The following LPP variants were observed in gnomAD, a reference collection of about 807,000 sequenced individuals.
LPP encodes the protein lipoma-preferred partner.
LPP carries 38 observed loss-of-function variants against 60.4 expected under a neutral mutation model. The ratio of observed to expected loss-of-function variants is 0.63; its 90% CI spans 0.49 to 0.83. The LOEUF (loss-of-function observed/expected upper bound fraction) is 0.83. Ranked by LOEUF, LPP falls within the 40% of genes least tolerant of loss-of-function variation. The pLI, the probability that LPP is intolerant of heterozygous loss-of-function variation, is 0.00. For synonymous variants in LPP, 328 were observed against 290.8 expected (o/e 1.13, Z -1.30); for missense variants, 902 against 783.6 (o/e 1.15, Z -1.80).
At chr3:188,823,399 G>A (rs918482651) in intron 9 of LPP, among the ~76,000 whole-genome samples, 1 of 151,928 alleles carries the variant, frequency 6.6e-6, no homozygotes, top group Non-Finnish European at 1.5e-5. Flanking sequence ...GTTCACCCTG[G>A]GATATTAAAT....
At chr3:188,803,903 A>G (rs878902532) in intron 9 of LPP, among the ~76,000 whole-genome samples, 1 of 152,272 alleles carries the variant, frequency 6.6e-6, no homozygotes, top group Admixed American at 6.5e-5. Flanking sequence ...GAGAAATTAC[A>G]TCTTAACAAT....
chr3:188,462,217 A>G (rs1451813400), intron 4 of LPP, among the ~76,000 whole-genome samples: 8 of 151,716 alleles, frequency 5.3e-5, no homozygotes, highest in Non-Finnish European at 1.2e-4. Context: ...TGAAAAACTA[A>G]CTTTTAAAAT....
At chr3:188,315,658 C>T (rs1326579729) in intron 2 of LPP, among the ~76,000 whole-genome samples, 1 of 152,110 alleles carries the variant, frequency 6.6e-6, no homozygotes, top group Non-Finnish European at 1.5e-5. Flanking sequence ...GGGACAGGAA[C>T]CTTGTCTGTT....
At chr3:188,317,059 T>A (rs1397354821) in intron 2 of LPP, among the ~76,000 whole-genome samples, 3 of 152,194 alleles carry the variant, frequency 2.0e-5, no homozygotes, top group African/African-American at 7.2e-5. Flanking sequence ...TGTCTCCCGA[T>A]GAAACTGCTA....
intron 4 of LPP, among the ~76,000 whole-genome samples, chr3:188,457,223 C>T (rs1797927903): frequency 6.6e-6 from 1 of 152,092 alleles, no homozygotes; most frequent in Admixed American, 6.6e-5. Context: ...GGAGATCTGG[C>T]AAAGGAGACA....
chr3:188,446,001 G>T (rs1252254660), intron 4 of LPP, among the ~76,000 whole-genome samples: 1 of 152,298 alleles, frequency 6.6e-6, no homozygotes, highest in South Asian at 2.1e-4. Context: ...ACAGGGAGGG[G>T]AAGTTTTCTG....
chr3:188,504,297 G>A (rs1339016498), intron 5 of LPP, among the ~76,000 whole-genome samples: 1 of 150,740 alleles, frequency 6.6e-6, no homozygotes, highest in Admixed American at 6.6e-5. Flanking sequence ...TTCTTTTTCT[G>A]TATTGATATT....
chr3:188,324,058 T>G lies in LPP; in HGVS notation c.-66-17605T>G, dbSNP rs894834405. ...TTGTTGTTGTTGTCGTTATTATCTA[T>G]AACTACAATAATTTCCCTAGCCTTA... On this transcript the variant is annotated intron_variant, in intron 2 of 11. Coordinates refer to ENST00000617246, the MANE Select transcript of LPP (RefSeq NM_001375462.1). Among the ~76,000 whole-genome samples, 6 of 152,212 alleles carry G rather than the reference T, an allele frequency of 3.9e-5. No individual in the cohort carries two copies. The East Asian group carries it at 1.2e-3, about 29-fold the overall frequency.
At chr3:188,320,689 A>G (rs1000079864) in intron 2 of LPP, among the ~76,000 whole-genome samples, 4 of 152,200 alleles carry the variant, frequency 2.6e-5, no homozygotes, top group Non-Finnish European at 5.9e-5. Flanking sequence ...TTATCCATGG[A>G]TCAAGACTAG....
At chr3:188,648,679 C>T (rs1473504052) in intron 7 of LPP, among the ~76,000 whole-genome samples, 1 of 151,790 alleles carries the variant, frequency 6.6e-6, no homozygotes, top group African/African-American at 2.4e-5. Flanking sequence ...TAAATAGTAC[C>T]CTCATTTGGG....
At position 188,889,405 on chromosome 3, in the gene LPP, T is replaced by C. The variant is rs1560357255; in HGVS notation, c.*14926T>C. 1 of 231,694 alleles carries C rather than the reference T, an allele frequency of 4.3e-6. No individual in the cohort carries two copies. Among genetic ancestry groups the C allele is most frequent in the East Asian group, 6.1e-5 (1 of 16,436 alleles). The allele number at this position is 231,694 out of a possible 1,614,324, so 14.4% of individuals were successfully genotyped here. A position where few individuals can be genotyped will look rare whatever the true frequency, so the allele number is the denominator to read the frequency against. ...GAGGACATGATTCCAAAAAAGATCG[T>C]TCTCAATGTGTCGTCTGACTCAACC... On this transcript the variant is annotated 3_prime_UTR_variant, in exon 12 of 12. Transcript: ENST00000617246.
chr3:188,378,694 G>C (rs182018525), intron 3 of LPP, among the ~76,000 whole-genome samples: 2 of 152,058 alleles, frequency 1.3e-5, no homozygotes, highest in East Asian at 1.9e-4. Context: ...GCTTCGGCTC[G>C]TGCACGGTGC....
chr3:188,462,542 CTTTATATATATATATATATATATATA>C (rs1218673797), intron 4 of LPP, among the ~76,000 whole-genome samples: 11 of 64,274 alleles, frequency 1.7e-4, no homozygotes, highest in South Asian at 1.3e-3. Context: ...TTTATATGAG[CTTTATATATATATATATATATATATA>C]TATATATATA....
At chr3:188,816,797 C>A (rs1264084222) in intron 9 of LPP, among the ~76,000 whole-genome samples, 3 of 152,238 alleles carry the variant, frequency 2.0e-5, no homozygotes, top group East Asian at 1.9e-4. Context: ...AATAACTAAT[C>A]TTGTCTTCCT....
intron 3 of LPP, among the ~76,000 whole-genome samples, chr3:188,356,561 A>G (rs1767673234): frequency 6.6e-6 from 1 of 152,184 alleles, no homozygotes; most frequent in African/African-American, 2.4e-5. Context: ...GAAAGGTTCT[A>G]CTGCTTAACC....
At chr3:188,855,986 A>G (rs1369259151) in intron 9 of LPP, among the ~76,000 whole-genome samples, 1 of 152,192 alleles carries the variant, frequency 6.6e-6, no homozygotes, top group Admixed American at 6.5e-5. Flanking sequence ...TGACCCAAAG[A>G]TAAGTCTTTT....
At chr3:188,340,396 CT>C (rs5855188) in intron 2 of LPP, among the ~76,000 whole-genome samples, 22,124 of 116,590 alleles carry the variant, frequency 0.19, 1,298 homozygotes, top group East Asian at 0.32. Context: ...CAATCATGCT[CT>C]TTTTTTTTTT....
chr3:188,356,383 A>G (rs1767615528), intron 3 of LPP, among the ~76,000 whole-genome samples: 3 of 152,134 alleles, frequency 2.0e-5, no homozygotes, highest in African/African-American at 7.2e-5. Context: ...ATTAGATTAG[A>G]TCAGTGAATT....
chr3:188,842,662 T>C (rs905843021), intron 9 of LPP, among the ~76,000 whole-genome samples: 3 of 151,896 alleles, frequency 2.0e-5, no homozygotes, highest in African/African-American at 7.2e-5. Context: ...TTATTCATTT[T>C]ATATTTATTT....
Sources: allele counts gnomAD v4.1 joint callset (sites outside exome capture counted in the v4.1 genomes callset), GRCh38; gene constraint gnomAD v4.1.1; transcripts MANE v1.5; gene names NCBI Gene and HGNC (gene_info 2026-07-23, HGNC 2026-07-21).